Variants in ALMS1 observed in about 807,000 individuals in gnomAD.
ALMS1 encodes centrosome-associated protein ALMS1.
ALMS1 carries 271 observed loss-of-function variants against 352.2 expected under a neutral mutation model. The observed-to-expected ratio is 0.77, with a 90% CI of 0.70 to 0.85. The LOEUF (loss-of-function observed/expected upper bound fraction) is 0.85, where lower values mean the gene tolerates loss of function less well. Among genes scored for constraint, ALMS1 ranks in the 40% least tolerant of loss-of-function variants. ALMS1 has a pLI of 0.00. For synonymous variants in ALMS1, 1,865 were observed against 1,761.2 expected (o/e 1.06, Z -1.48); for missense variants, 5,445 against 4,870.7 (o/e 1.12, Z -3.51).
At position 73,449,472 on chromosome 2, in the gene ALMS1, C is replaced by T; in HGVS notation, c.2945C>T (p.Ser982Phe). The change falls in exon 8 of 23, where the codon TCT becomes TTT. Residue 982 changes from serine to phenylalanine, a missense_variant. Ser to Phe is a radical substitution (Grantham distance 155). Coordinates refer to ENST00000613296, the MANE Select transcript of ALMS1 (RefSeq NM_001378454.1). Reference sequence around the variant, plus strand: ...CTACCTAGAGAATCTCTGAAAATGTCTGCTATTCCTGGACTGACTGACCAG... The same window carrying T: ...CTACCTAGAGAATCTCTGAAAATGTTTGCTATTCCTGGACTGACTGACCAG... The part of the protein sequence containing the change: ...SDLPRESLKM[S>F]AIPGLTDQKT... 2 of 1,614,040 alleles carry T rather than the reference C, an allele frequency of 1.2e-6. No homozygotes were observed. The highest frequency in any genetic ancestry group is 1.7e-6 in the Non-Finnish European group (2 of 1,179,968).
Position 73,448,993 on chromosome 2 carries a change from A to G in ALMS1, c.2466A>G (p.Gln822=), listed in dbSNP as rs755661115. The change falls in exon 8 of 23, where the codon CAA becomes CAG. Residue 822 remains glutamine, a synonymous_variant. Transcript: ENST00000613296. ...GAGAGAAGCTCCTTGTTTTCTACCA[A>G]CAGGCCTTGCTGGACAGCCATCTAC... is the stretch of plus-strand genomic sequence containing the variant. The part of the protein sequence containing the change: ...SHREKLLVFY[Q]QALLDSHLPE... The G allele has an allele frequency of 8.1e-6, 13 of 1,613,392 alleles. No homozygotes were observed. The highest frequency in any genetic ancestry group is 1.3e-5 in the African/African-American group (1 of 74,730).
intron 12 of ALMS1, among the ~76,000 whole-genome samples, chr2:73,541,623 A>G (rs1030443373): frequency 2.6e-5 from 4 of 152,324 alleles, no homozygotes; most frequent in Non-Finnish European, 4.4e-5. Context: ...ACTGCTGGCC[A>G]GACTAATAAA....
At position 73,424,644 on chromosome 2, in the gene ALMS1, G is replaced by A. The variant is rs780084270; in HGVS notation, c.979G>A (p.Val327Ile). Residue 327 changes from valine to isoleucine, a missense_variant, in exon 5 of 23, where the codon GTT (valine) becomes ATT (isoleucine). Val to Ile is a conservative substitution (Grantham distance 29, BLOSUM62 3). Coordinates refer to ENST00000613296, the MANE Select transcript of ALMS1 (RefSeq NM_001378454.1). ...QGNNEETISS[V>I]DELKIPKDCD... is the part of the protein sequence containing the mutation. ...GAATAATGAAGAGACTATTTCGTCT[G>A]TTGATGAACTGAAAATTCCCAAAGA... The A allele has an allele frequency of 6.2e-7, 1 of 1,614,042 alleles. No individual in the cohort carries two copies. The highest frequency in any genetic ancestry group is 1.7e-5 in the Admixed American group (1 of 59,956).
At chr2:73,597,695 A>G (rs1422381704) in intron 16 of ALMS1, among the ~76,000 whole-genome samples, 1 of 152,012 alleles carries the variant, frequency 6.6e-6, no homozygotes, top group Non-Finnish European at 1.5e-5. Flanking sequence ...AAACTGACAC[A>G]AAGAGGTTAT....
At chr2:73,438,077 T>A (rs1671640793) in intron 7 of ALMS1, among the ~76,000 whole-genome samples, 1 of 152,218 alleles carries the variant, frequency 6.6e-6, no homozygotes, top group South Asian at 2.1e-4. Context: ...GCTGTGAGTA[T>A]ATGTGACTAA....
chr2:73,480,684 T>C (rs1306843529), intron 9 of ALMS1, among the ~76,000 whole-genome samples: 29 of 150,620 alleles, frequency 1.9e-4, no homozygotes, highest in African/African-American at 7.1e-4. Context: ...TAGTTTACAG[T>C]CCCACCAACA....
At chr2:73,533,028 G>A (rs1673953919) in intron 11 of ALMS1, among the ~76,000 whole-genome samples, 1 of 152,158 alleles carries the variant, frequency 6.6e-6, no homozygotes. Flanking sequence ...CCAGGAACTA[G>A]GTCATGGAAT....
At chr2:73,415,423 T>A (rs758285194) in intron 2 of ALMS1, among the ~76,000 whole-genome samples, 12 of 151,532 alleles carry the variant, frequency 7.9e-5, no homozygotes, top group Admixed American at 1.3e-4. Flanking sequence ...CTGAAAAAAA[T>A]TTGAATGAGA....
chr2:73,425,045 A>C, intron 5 of ALMS1, 143 bp downstream of exon 5: 2 of 617,404 alleles, frequency 3.2e-6, no homozygotes, highest in Non-Finnish European at 5.5e-6. Context: ...AAACGTGTGT[A>C]ATCAGTAAGG....
intron 7 of ALMS1, among the ~76,000 whole-genome samples, chr2:73,443,340 T>TC (rs1259881488): frequency 1.3e-5 from 2 of 152,178 alleles, no homozygotes; most frequent in African/African-American, 4.8e-5. Flanking sequence ...GTCTCCTTGA[T>TC]CTCATAGATG....
chr2:73,603,155 T>C (rs1675736605), intron 20 of ALMS1, 86 bp from the exon 21 acceptor site: 1 of 1,298,732 alleles, frequency 7.7e-7, no homozygotes, highest in East Asian at 2.3e-5. Flanking sequence ...GGGCACCAAG[T>C]CCTAGCAGCT....
At chr2:73,529,770 A>T (rs1377228021) in intron 11 of ALMS1, among the ~76,000 whole-genome samples, 1 of 152,210 alleles carries the variant, frequency 6.6e-6, no homozygotes, top group East Asian at 1.9e-4. Flanking sequence ...AAGGGAGTTC[A>T]ATTGACTCAG....
intron 10 of ALMS1, among the ~76,000 whole-genome samples, chr2:73,496,481 A>G (rs1223982451): frequency 1.3e-5 from 2 of 152,110 alleles, no homozygotes; most frequent in Admixed American, 6.5e-5. Context: ...TTATCCATTC[A>G]CTCACTGAAG....
At chr2:73,589,992 A>G (rs1675390805) in intron 16 of ALMS1, among the ~76,000 whole-genome samples, 1 of 151,678 alleles carries the variant, frequency 6.6e-6, no homozygotes, top group Non-Finnish European at 1.5e-5. Context: ...ATTATTTCTA[A>G]TTTTTATCAG....
At position 73,426,587 on chromosome 2, in the gene ALMS1, G is replaced by A. The variant is rs527264512; in HGVS notation, c.1338+34G>A. 207 of 1,598,996 alleles carry A rather than the reference G, an allele frequency of 1.3e-4. No homozygotes were observed. In the South Asian group the frequency reaches 1.5e-3, roughly 12 times the overall value. Reference sequence around the variant, plus strand: ...CAATAAAATGATAGTTGTAAGAAACGTGGCCTTTTTCAGTATTGTTTCAGG... The same window carrying A: ...CAATAAAATGATAGTTGTAAGAAACATGGCCTTTTTCAGTATTGTTTCAGG... On this transcript the variant is annotated intron_variant, in intron 6 of 22. Transcript: ENST00000613296.
chr2:73,427,092 C>T (rs1671396650), intron 6 of ALMS1, among the ~76,000 whole-genome samples: 1 of 152,158 alleles, frequency 6.6e-6, no homozygotes, highest in South Asian at 2.1e-4. Context: ...CTAACTCTTC[C>T]TAGTTGTGCC....
chr2:73,524,403 A>G (rs1276279916), intron 11 of ALMS1, among the ~76,000 whole-genome samples: 1 of 152,200 alleles, frequency 6.6e-6, no homozygotes, highest in Non-Finnish European at 1.5e-5. Flanking sequence ...TCAAGCATTT[A>G]TCCATTCTTT....
chr2:73,420,820 T>C (rs572101474), intron 3 of ALMS1, among the ~76,000 whole-genome samples: 1 of 152,356 alleles, frequency 6.6e-6, no homozygotes, highest in East Asian at 1.9e-4. Flanking sequence ...TTATCATTGC[T>C]GTTTTGTTAC....
chr2:73,600,785 A>T lies in ALMS1; in HGVS notation c.11776A>T (p.Thr3926Ser). The T allele has an allele frequency of 6.2e-7, 1 of 1,614,216 alleles. No homozygotes were observed. Among genetic ancestry groups the T allele is most frequent in the Non-Finnish European group, 8.5e-7 (1 of 1,180,020 alleles). ...EAKLEENSDV[T>S]SWSEEKREEK... ...TAAATTGGAAGAGAACAGTGATGTG[A>T]CTTCTTGGTCAGAAGAAAAACGTGA... The change falls in exon 18 of 23, where the codon ACT (threonine) becomes TCT (serine). Residue 3926 changes from threonine (T) to serine (S), a missense_variant. Transcript: ENST00000613296.
Sources: allele counts gnomAD v4.1 joint callset (sites outside exome capture counted in the v4.1 genomes callset), GRCh38; gene constraint gnomAD v4.1.1; transcripts MANE v1.5; gene names NCBI Gene and HGNC (gene_info 2026-07-23, HGNC 2026-07-21).